The following RELL1 variants were observed in gnomAD, a reference collection of about 807,000 sequenced individuals.
The protein encoded by RELL1 is RELT like 1, also known as RELT-like protein 1.
In RELL1, 10 loss-of-function variants were observed where a neutral mutation model predicts 23.0. The ratio of observed to expected loss-of-function variants is 0.43; its 90% confidence interval spans 0.27 to 0.74. The LOEUF (loss-of-function observed/expected upper bound fraction) is 0.74. RELL1 is among the 30% of genes least tolerant of loss of function. The pLI is 0.19. For synonymous variants in RELL1, 146 were observed against 146.8 expected (o/e 0.99, Z 0.04); for missense variants, 315 against 364.4 (o/e 0.86, Z 1.10).
At chr4:37,630,372 T>G (rs1577575362) in intron 6 of RELL1, among the ~76,000 whole-genome samples, 2 of 141,276 alleles carry the variant, frequency 1.4e-5, no homozygotes, top group Non-Finnish European at 1.5e-5. Context: ...TTTTTTTTTT[T>G]TTTTTTTTTT....
In RELL1 at chr4:37,649,424, G is replaced by T. The variant is rs1386935043; in HGVS notation, c.165C>A (p.His55Gln). 5.6e-6 allele frequency: 9 copies of T among 1,614,114 alleles called. No homozygotes were observed. The highest frequency in any genetic ancestry group is 7.6e-6 in the Non-Finnish European group (9 of 1,180,042). Residue 55 changes from histidine (H) to glutamine (Q), a missense_variant, in exon 2 of 7, where the codon CAC (histidine) becomes CAA (glutamine). Coordinates refer to ENST00000454158, the MANE Select transcript of RELL1 (RefSeq NM_001085400.2). ...CAAGCGCGTATGCAATATATTCTGG[G>T]TGTCCATTCCCAGTATCGTTGCTGG... ...PSPSNDTGNG[H>Q]PEYIAYALVP...
chr4:37,601,389 T>C (rs370649163), intron 6 of RELL1, among the ~76,000 whole-genome samples: 42 of 152,308 alleles, frequency 2.8e-4, no homozygotes, highest in Admixed American at 1.9e-3. Context: ...CTGTACTAAG[T>C]GCATTACACA....
At chr4:37,643,932 C>T (rs897393704) in intron 3 of RELL1, among the ~76,000 whole-genome samples, 62 of 152,044 alleles carry the variant, frequency 4.1e-4, no homozygotes, top group African/African-American at 1.4e-3. Flanking sequence ...CCAAGGGCTG[C>T]GCAAAGGATT....
intron 6 of RELL1, among the ~76,000 whole-genome samples, chr4:37,602,637 G>A (rs1223138329): frequency 2.0e-5 from 3 of 152,118 alleles, no homozygotes; most frequent in South Asian, 2.1e-4. Context: ...CAGCAGTCGC[G>A]CCCTCGGTAG....
At chr4:37,587,776 A>G (rs6820849), downstream of RELL1, among the ~76,000 whole-genome samples, 47,916 of 152,028 alleles carry the variant, frequency 0.32, 9,038 homozygotes, top group Non-Finnish European at 0.42. Flanking sequence ...TGAGACCAGC[A>G]TGGCCAACGT....
intron 1 of RELL1, among the ~76,000 whole-genome samples, chr4:37,657,605 A>G (rs1721169914): frequency 1.3e-5 from 2 of 152,224 alleles, no homozygotes; most frequent in Non-Finnish European, 2.9e-5. Flanking sequence ...AGTGGGTGGA[A>G]GAAAGTTGCG....
chr4:37,683,877 G>C (rs368997171), intron 1 of RELL1, among the ~76,000 whole-genome samples: 26 of 150,654 alleles, frequency 1.7e-4, no homozygotes, highest in East Asian at 1.2e-3. Context: ...GTCAGGAGAT[G>C]GAGACCATCC....
chr4:37,673,186 CTTT>C (rs71189095), intron 1 of RELL1, among the ~76,000 whole-genome samples: 1 of 93,188 alleles, frequency 1.1e-5, no homozygotes, highest in Non-Finnish European at 1.9e-5. Context: ...CTTTTTTTTT[CTTT>C]TTTTTTTTTT....
downstream of RELL1, chr4:37,588,258 T>C (rs1262224812): frequency 6.6e-6 from 1 of 152,410 alleles, no homozygotes; most frequent in Non-Finnish European, 1.5e-5. Context: ...ATAGCTGAGA[T>C]TGGCCCAGCG....
At chr4:37,638,280 C>G (rs947681701) in intron 4 of RELL1, among the ~76,000 whole-genome samples, 167 bp downstream of exon 4, 1 of 152,210 alleles carries the variant, frequency 6.6e-6, no homozygotes, top group Non-Finnish European at 1.5e-5. Flanking sequence ...ATCAAACATC[C>G]TCAATACACA....
At chr4:37,607,480 T>C (rs1352371315), downstream of RELL1, among the ~76,000 whole-genome samples, 6 of 152,208 alleles carry the variant, frequency 3.9e-5, no homozygotes, top group African/African-American at 1.4e-4. Flanking sequence ...GCAGATATTG[T>C]AGGGTTTTCT....
downstream of RELL1, among the ~76,000 whole-genome samples, chr4:37,589,392 G>A (rs907528775): frequency 3.9e-5 from 6 of 152,120 alleles, no homozygotes; most frequent in Non-Finnish European, 8.8e-5. Flanking sequence ...ATACTGTGAT[G>A]TTTGGCTTTA....
intron 6 of RELL1, 111 bp downstream of exon 6, chr4:37,631,274 A>C: frequency 8.2e-7 from 1 of 1,215,388 alleles, no homozygotes; most frequent in African/African-American, 1.5e-5. Context: ...AAGCTCTCCC[A>C]CTTCCCTGTC....
At position 37,592,685 on chromosome 4, in the gene RELL1, C is replaced by T. The variant is rs79426176; in HGVS notation, c.*4-1468G>A. ...ATCTGACTGAACTTCATTTGATTTC[C>T]AGCTTTGCCATGTGACCTTGGACAA... is the stretch of plus-strand genomic sequence containing the variant. On this transcript the variant is annotated intron_variant, in intron 6 of 6. Coordinates refer to the RELL1 transcript ENST00000314117. 9.2e-4 allele frequency among the ~76,000 whole-genome samples: 140 copies of T among 151,926 alleles called. 2 individuals carry two copies. In the East Asian group the frequency reaches 0.025, roughly 28 times the overall value.
chr4:37,678,242 T>A (rs2109315434), intron 1 of RELL1, among the ~76,000 whole-genome samples: 1 of 152,288 alleles, frequency 6.6e-6, no homozygotes, highest in African/African-American at 2.4e-5. Flanking sequence ...GGGCAGCACT[T>A]CTCATGATGA....
downstream of RELL1, chr4:37,590,718 GC>G: frequency 6.2e-7 from 1 of 1,614,080 alleles, no homozygotes; most frequent in Non-Finnish European, 8.5e-7. Flanking sequence ...AGGGAATTCA[GC>G]CCCCAGTGGG....
intron 6 of RELL1, among the ~76,000 whole-genome samples, chr4:37,595,668 G>C (rs1018940463): frequency 7.2e-4 from 109 of 152,260 alleles, no homozygotes; most frequent in African/African-American, 2.6e-3. Context: ...TATTATTCAG[G>C]CCCTTCACTC....
Position 37,631,487 on chromosome 4 carries a change from C to G in RELL1, c.717G>C (p.Gln239His). 1 of 1,614,142 alleles carries G rather than the reference C, an allele frequency of 6.2e-7. No homozygotes were observed. Among genetic ancestry groups the G allele is most frequent in the South Asian group, 1.1e-5 (1 of 91,060 alleles). The change falls in exon 6 of 7, where the codon CAG becomes CAC. Residue 239 changes from glutamine (Q) to histidine (H), a missense_variant. Transcript: ENST00000454158. ...CAGACATCAGGCTTCTCCGTTCCTTCTGGTTTGACTTGTGCTCCACTTTTG... is the reference window on the plus strand; with the variant it reads ...CAGACATCAGGCTTCTCCGTTCCTTGTGGTTTGACTTGTGCTCCACTTTTG... The part of the protein sequence containing the change: ...RVTKVEHKSN[Q>H]KERRSLMSVS...
At chr4:37,590,250 G>C, downstream of RELL1, 1 of 1,614,214 alleles carries the variant, frequency 6.2e-7, no homozygotes, top group Non-Finnish European at 8.5e-7. Flanking sequence ...AGAAGACTGA[G>C]AGCAGCAGCA....
Sources: allele counts gnomAD v4.1 joint callset (sites outside exome capture counted in the v4.1 genomes callset), GRCh38; gene constraint gnomAD v4.1.1; transcripts MANE v1.5; gene names NCBI Gene and HGNC (gene_info 2026-07-23, HGNC 2026-07-21).